PTPN9: variants seen among roughly 807,000 people sequenced by gnomAD.
PTPN9 encodes the protein tyrosine-protein phosphatase non-receptor type 9.
Under a neutral mutation model 69.8 loss-of-function variants are expected in PTPN9, and 26 were observed. The ratio of observed to expected loss-of-function variants is 0.37; its 90% CI spans 0.27 to 0.52. The LOEUF (loss-of-function observed/expected upper bound fraction) is 0.52. Among genes scored for constraint, PTPN9 ranks in the 20% least tolerant of loss-of-function variants. The pLI is 0.91. For missense variants in PTPN9, 549 were observed against 740.3 expected (o/e 0.74, Z 3.00); for synonymous variants, 274 against 272.5 (o/e 1.01, Z -0.05).
intron 1 of PTPN9, among the ~76,000 whole-genome samples, chr15:75,563,496 G>A (rs2075113597): frequency 6.6e-6 from 1 of 152,046 alleles, no homozygotes; most frequent in Non-Finnish European, 1.5e-5. Context: ...CTGGTATTTG[G>A]TTTTCTGTTC....
chr15:75,570,448 T>C (rs1276458116), intron 1 of PTPN9: 2 of 152,194 alleles, frequency 1.3e-5, no homozygotes, highest in Non-Finnish European at 2.9e-5. Flanking sequence ...AGCAGTTAAA[T>C]TTTTAGCTTT....
chr15:75,499,940 G>A (rs2074763875), intron 7 of PTPN9, among the ~76,000 whole-genome samples: 1 of 152,112 alleles, frequency 6.6e-6, no homozygotes, highest in Admixed American at 6.6e-5. Context: ...CACTTTGCAG[G>A]GCTGAGGTGG....
chr15:75,474,855 C>T (rs1377974327), intron 9 of PTPN9, among the ~76,000 whole-genome samples: 1 of 152,146 alleles, frequency 6.6e-6, no homozygotes, highest in Non-Finnish European at 1.5e-5. Flanking sequence ...GGAAACCCCA[C>T]CAGTTTAATC....
intron 9 of PTPN9, among the ~76,000 whole-genome samples, chr15:75,477,072 G>A (rs1410474532): frequency 5.3e-5 from 8 of 152,160 alleles, no homozygotes; most frequent in African/African-American, 1.4e-4. Flanking sequence ...TACTGACATA[G>A]GTGAAACAAT....
intron 4 of PTPN9, among the ~76,000 whole-genome samples, chr15:75,522,333 A>C (rs1260213830): frequency 6.6e-6 from 1 of 151,898 alleles, no homozygotes; most frequent in African/African-American, 2.4e-5. Flanking sequence ...TTAACTTTAT[A>C]CTTCTGGGCT....
chr15:75,485,853 C>A (rs2074672637), intron 8 of PTPN9, among the ~76,000 whole-genome samples: 1 of 151,084 alleles, frequency 6.6e-6, no homozygotes, highest in African/African-American at 2.4e-5. Flanking sequence ...GTAATCCCAG[C>A]ACTTTGGGAG....
chr15:75,531,841 G>A (rs1389732371), intron 1 of PTPN9, among the ~76,000 whole-genome samples: 1 of 150,974 alleles, frequency 6.6e-6, no homozygotes, highest in Non-Finnish European at 1.5e-5. Context: ...TTACAGGCGT[G>A]AGCCACCACC....
chr15:75,516,963 T>C (rs2074873562), intron 5 of PTPN9, among the ~76,000 whole-genome samples: 1 of 151,862 alleles, frequency 6.6e-6, no homozygotes, highest in Non-Finnish European at 1.5e-5. Context: ...CAGGATGGTC[T>C]TGATCTCTTG....
chr15:75,480,604 G>A, intron 8 of PTPN9: 4 of 1,115,994 alleles, frequency 3.6e-6, no homozygotes, highest in Non-Finnish European at 4.5e-6. Context: ...TGCGGCCTGG[G>A]GCAGTGCGGA....
chr15:75,527,037 A>G (rs2141322225), intron 2 of PTPN9, 81 bp downstream of exon 2: 2 of 1,529,048 alleles, frequency 1.3e-6, no homozygotes, highest in Non-Finnish European at 1.8e-6. Context: ...TAGAGAACCA[A>G]TGTGTGTGTC....
At chr15:75,522,126 ACT>A (rs1335512570) in intron 4 of PTPN9, among the ~76,000 whole-genome samples, 7 of 152,136 alleles carry the variant, frequency 4.6e-5, no homozygotes, top group African/African-American at 1.7e-4. Context: ...GACAGAAATA[ACT>A]CTGCCCAAGA....
intron 7 of PTPN9, among the ~76,000 whole-genome samples, chr15:75,491,515 T>C (rs2141300242): frequency 6.6e-6 from 1 of 152,012 alleles, no homozygotes; most frequent in South Asian, 2.1e-4. Context: ...CTGTAACAAA[T>C]AACTAAAAAT....
chr15:75,573,547 T>A (rs2075158316), intron 1 of PTPN9, among the ~76,000 whole-genome samples: 1 of 152,194 alleles, frequency 6.6e-6, no homozygotes, highest in South Asian at 2.1e-4. Flanking sequence ...AGCATATAAA[T>A]CAAAGTATAT....
intron 6 of PTPN9, among the ~76,000 whole-genome samples, chr15:75,506,585 C>T (rs1406424865): frequency 6.6e-6 from 1 of 152,124 alleles, no homozygotes; most frequent in African/African-American, 2.4e-5. Context: ...TGAAGGCTCA[C>T]TGCAGCCTCA....
intron 1 of PTPN9, among the ~76,000 whole-genome samples, chr15:75,556,402 G>A (rs1051031541): frequency 2.8e-5 from 4 of 145,280 alleles, no homozygotes; most frequent in African/African-American, 1.0e-4. Flanking sequence ...TTTTGAGACA[G>A]GGTCTCGCTC....
At chr15:75,547,668 C>CTT (rs71440250) in intron 1 of PTPN9, among the ~76,000 whole-genome samples, 2 of 141,300 alleles carry the variant, frequency 1.4e-5, no homozygotes, top group African/African-American at 2.6e-5. Flanking sequence ...ATATAGGGTT[C>CTT]TTTTTTTTTT....
intron 8 of PTPN9, among the ~76,000 whole-genome samples, chr15:75,489,500 A>G (rs886708881): frequency 6.6e-6 from 1 of 152,092 alleles, no homozygotes; most frequent in Non-Finnish European, 1.5e-5. Flanking sequence ...GAGGTACAAG[A>G]ATCACTTGAG....
rs1335030163 is a variant in PTPN9 at position 75,530,537 on chromosome 15, T to TTA, written c.64-3278_64-3277dup. ...TTATAATATAATTTATTATATAATA[T>TTA]TATTATATTATAATATATTATATAT... On this transcript the variant is annotated intron_variant, in intron 1 of 12. Coordinates refer to ENST00000618819, the MANE Select transcript of PTPN9 (RefSeq NM_002833.4). 1.8e-3 allele frequency among the ~76,000 whole-genome samples: 67 copies of TTA among 37,496 alleles called. 2 individuals carry two copies. Among genetic ancestry groups the TTA allele is most frequent in the African/African-American group, 0.013 (62 of 4,722 alleles). The allele number at this position is 37,496 out of a possible 152,430, so 24.6% of individuals were successfully genotyped here.
In PTPN9 at chr15:75,578,815, C is replaced by G; in HGVS notation, c.-39G>C. 3 of 1,199,650 alleles carry G rather than the reference C, an allele frequency of 2.5e-6. No homozygotes were observed. The highest frequency in any genetic ancestry group is 3.1e-6 in the Non-Finnish European group (3 of 965,540). 74.3% of individuals were successfully genotyped at this position (1,199,650 alleles called of 1,614,324 possible). ...CCGCCGGGCGGACAAAACTCGCTCGCGAGCGCGGGAGCCCGGCGCGCTCGG... is the reference window on the plus strand; with the variant it reads ...CCGCCGGGCGGACAAAACTCGCTCGGGAGCGCGGGAGCCCGGCGCGCTCGG... On this transcript the variant is annotated 5_prime_UTR_variant, in exon 1 of 13. Coordinates refer to ENST00000618819, the MANE Select transcript of PTPN9 (RefSeq NM_002833.4).
Sources: allele counts gnomAD v4.1 joint callset (sites outside exome capture counted in the v4.1 genomes callset), GRCh38; gene constraint gnomAD v4.1.1; transcripts MANE v1.5; gene names NCBI Gene and HGNC (gene_info 2026-07-23, HGNC 2026-07-21).